The following STARD3 variants were observed in gnomAD, a reference collection of about 807,000 sequenced individuals.
The protein encoded by STARD3 is StAR related lipid transfer domain containing 3.
A neutral mutation model predicts 62.0 loss-of-function variants in STARD3; 39 were observed. The observed-to-expected ratio is 0.63, with a 90% confidence interval of 0.49 to 0.82. The LOEUF is 0.82. STARD3 is among the 40% of genes least tolerant of loss of function. The probability of loss-of-function intolerance (pLI) is 0.00; values close to 1 mark genes in which losing one functional copy is unlikely to be tolerated. For synonymous variants in STARD3, 229 were observed against 242.4 expected, an observed-to-expected ratio of 0.94 and a Z score of 0.51; for missense variants, 543 against 584.5, an observed-to-expected ratio of 0.93 and a Z score of 0.73.
Position 39,653,597 on chromosome 17 carries a change from G to T in STARD3, c.66G>T (p.Leu22=). Residue 22 remains leucine, a synonymous_variant, in exon 2 of 15, where the codon CTG becomes CTT. Transcript: ENST00000336308. ...LERSLPAVAS[L]GSSLSHSQSL... is the part of the protein sequence containing the mutation. Reference sequence around the variant, plus strand: ...GCAGCCTGCCTGCCGTGGCCTCCCTGGGCTCCTCACTGTCCCACAGCCAGA... The same window carrying T: ...GCAGCCTGCCTGCCGTGGCCTCCCTTGGCTCCTCACTGTCCCACAGCCAGA... The T allele has an allele frequency of 6.2e-7, 1 of 1,612,126 alleles. No homozygotes were observed.
rs2941513 is a variant in STARD3 at position 39,662,308 on chromosome 17, T to C, written c.1197T>C (p.Val399=). The C allele has an allele frequency of 0.054, 87,520 of 1,613,842 alleles. 2,861 individuals carry two copies. Among genetic ancestry groups the C allele is most frequent in the African/African-American group, 0.069 (5,179 of 74,970 alleles). The change falls in exon 14 of 15, where the codon GTT becomes GTC. Residue 399 remains valine, a synonymous_variant. Transcript: ENST00000336308. ...IVLKSASNPR[V]CTFVWILNTD... is the part of the protein sequence containing the mutation. ...TCAAGTCGGCCAGTAACCCCCGTGT[T>C]TGCACCTTTGTCTGGATTCTTAATA... is the stretch of plus-strand genomic sequence containing the variant.
intron 14 of STARD3, 195 bp downstream of exon 14, chr17:39,662,539 C>A (rs534509871): frequency 6.2e-6 from 4 of 644,728 alleles, no homozygotes; most frequent in Non-Finnish European, 1.1e-5. Flanking sequence ...CATGTGCCCC[C>A]CCTTCTTACC....
chr17:39,657,807 C>T lies in STARD3; in HGVS notation c.330C>T (p.Leu110=), dbSNP rs1263365341. ...VLAFFRFSGL[L]LGYAVLRLRH... ...CCTTCTTCCGCTTCTCTGGACTGCT[C>T]CTAGGCTATGCCGTGCTGCGGCTCC... Residue 110 remains leucine, a synonymous_variant, in exon 4 of 15, where the codon CTC becomes CTT. Transcript: ENST00000336308. 6.2e-7 allele frequency: 1 copy of T among 1,614,182 alleles called. No homozygotes were observed. Among genetic ancestry groups the T allele is most frequent in the East Asian group, 2.2e-5 (1 of 44,870 alleles).
rs772858527 is a variant in STARD3, at chr17:39,657,072, T to C, written c.284T>C (p.Phe95Ser). Residue 95 changes from phenylalanine (F) to serine (S), a missense_variant, in exon 3 of 15, where the codon TTC becomes TCC. Physicochemically the swap from Phe to Ser is radical, Grantham distance 155 (BLOSUM62 -2). Coordinates refer to ENST00000336308, the MANE Select transcript of STARD3 (RefSeq NM_006804.4). ...ATCCAGTACAACTTTAAAACTTCCTTCTTCGACATCTTTGTGAGTGGCCTT... is the reference window on the plus strand; with the variant it reads ...ATCCAGTACAACTTTAAAACTTCCTCCTTCGACATCTTTGTGAGTGGCCTT... ...EIIQYNFKTS[F>S]FDIFVLAFFR... 2 of 1,614,088 alleles carry C rather than the reference T, an allele frequency of 1.2e-6. No individual in the cohort carries two copies. Among genetic ancestry groups the C allele is most frequent in the Admixed American group, 1.7e-5 (1 of 60,024 alleles).
rs80224232 is a variant in STARD3, at chr17:39,661,325, C to T, written c.1139+240C>T. 477 of 547,916 alleles carry T rather than the reference C, an allele frequency of 8.7e-4. 5 individuals carry two copies. The East Asian group carries it at 0.012, about 14-fold the overall frequency. 33.9% of individuals were successfully genotyped at this position (547,916 alleles called of 1,614,324 possible). ...CACCAAGGCTGGACGGGATGTGCGG[C>T]GGTGGCTGGCTGGGGTAGACCATGG... On this transcript the variant is annotated intron_variant, in intron 13 of 14. Transcript: ENST00000336308.
At chr17:39,659,193 G>A in intron 8 of STARD3, 87 bp downstream of exon 8, 2 of 1,546,560 alleles carry the variant, frequency 1.3e-6, no homozygotes, top group Admixed American at 1.7e-5. Context: ...GTGGGCAGGG[G>A]TTTCCCAGTA....
chr17:39,657,488 C>T (rs1414650780), intron 3 of STARD3, among the ~76,000 whole-genome samples: 9 of 151,764 alleles, frequency 5.9e-5, no homozygotes. Context: ...GACCGTGCCA[C>T]CGCACTCCAG....
intron 2 of STARD3, among the ~76,000 whole-genome samples, chr17:39,654,923 C>A (rs1442193987): frequency 6.6e-6 from 1 of 152,216 alleles, no homozygotes; most frequent in Non-Finnish European, 1.5e-5. Flanking sequence ...CTGAGGGTGA[C>A]TGTCGATTGT....
chr17:39,639,458 A>G (rs572422945), intron 1 of STARD3, among the ~76,000 whole-genome samples: 1 of 152,354 alleles, frequency 6.6e-6, no homozygotes, highest in East Asian at 1.9e-4. Flanking sequence ...AGGAGCTGAC[A>G]GTTAATGGGG....
chr17:39,646,562 C>T (rs1224057157), intron 1 of STARD3, among the ~76,000 whole-genome samples: 2 of 152,128 alleles, frequency 1.3e-5, no homozygotes, highest in Non-Finnish European at 2.9e-5. Flanking sequence ...CTATTGTTGC[C>T]TGTTTTAATG....
Position 39,660,807 on chromosome 17 carries a change from C to G in STARD3, c.955-3C>G, listed in dbSNP as rs1377917826. ...TCCAAAAGTCTCCGTTGACGGCCCTCAGATCCTGCAGCGAGTGGAAGACAA... is the reference window on the plus strand; with the variant it reads ...TCCAAAAGTCTCCGTTGACGGCCCTGAGATCCTGCAGCGAGTGGAAGACAA... On this transcript the variant is annotated splice_region_variant and splice_polypyrimidine_tract_variant and intron_variant, in intron 11 of 14. Transcript: ENST00000336308. This position sits in a 1 kb window ranked among gnomAD's most constrained non-coding sequence, Gnocchi z 4.8. 1 of 1,576,752 alleles carries G rather than the reference C, an allele frequency of 6.3e-7. No individual in the cohort carries two copies. Among genetic ancestry groups the G allele is most frequent in the South Asian group, 1.2e-5 (1 of 84,596 alleles).
intron 1 of STARD3, among the ~76,000 whole-genome samples, chr17:39,647,364 G>A (rs1380457229): frequency 6.6e-6 from 1 of 152,150 alleles, no homozygotes; most frequent in Non-Finnish European, 1.5e-5. Context: ...ACTTCTGAAG[G>A]TGCTTGGGAG....
Position 39,660,291 on chromosome 17 carries a change from G to A in STARD3, c.858+18G>A, listed in dbSNP as rs1327996940. On this transcript the variant is annotated intron_variant, in intron 10 of 14. Transcript: ENST00000336308. This position sits in a 1 kb window ranked among gnomAD's most constrained non-coding sequence, Gnocchi z 4.8. ...TCCTGAAGGTGAGTGAGGGGAGCGG[G>A]TGTCCTGGAGCCCCAGACAGCACAG... The A allele has an allele frequency of 6.2e-7, 1 of 1,613,982 alleles. No individual in the cohort carries two copies. Among genetic ancestry groups the A allele is most frequent in the Non-Finnish European group, 8.5e-7 (1 of 1,180,022 alleles).
Position 39,660,782 on chromosome 17 carries a change from TC to T in STARD3, c.955-26del, listed in dbSNP as rs1296294122. On this transcript the variant is annotated intron_variant, in intron 11 of 14. Coordinates refer to ENST00000336308, the MANE Select transcript of STARD3 (RefSeq NM_006804.4). The surrounding 1 kb of genome is among the most constrained non-coding windows in gnomAD (Gnocchi z 4.8). ...CTGGGGTTTTCCTGGGGCGACCTGT[TC>T]CAAAAGTCTCCGTTGACGGCCCTCA... The T allele has an allele frequency of 6.4e-7, 1 of 1,556,072 alleles. No individual in the cohort carries two copies. Among genetic ancestry groups the T allele is most frequent in the Admixed American group, 1.9e-5 (1 of 52,706 alleles).
rs771157937 is a variant in STARD3 at position 39,662,945 on chromosome 17, C to T, written c.*37C>T. 11 of 1,575,658 alleles carry T rather than the reference C, an allele frequency of 7.0e-6. No individual in the cohort carries two copies. Among genetic ancestry groups the T allele is most frequent in the African/African-American group, 2.7e-5 (2 of 73,756 alleles). On this transcript the variant is annotated 3_prime_UTR_variant, in exon 15 of 15. Transcript: ENST00000336308. ...CCCACCCTGCGGGCCAGGGTCCTGT[C>T]GCCACCACTTCCAGAGCCAGAAAGG...
At chr17:39,647,652 C>CA (rs1280710337) in intron 1 of STARD3, among the ~76,000 whole-genome samples, 1 of 152,174 alleles carries the variant, frequency 6.6e-6, no homozygotes, top group Non-Finnish European at 1.5e-5. Context: ...AAAGGCCTTT[C>CA]AAAGTCATCT....
chr17:39,645,480 G>T (rs1477153689), intron 1 of STARD3, among the ~76,000 whole-genome samples: 1 of 151,938 alleles, frequency 6.6e-6, no homozygotes, highest in Non-Finnish European at 1.5e-5. Flanking sequence ...GTTTTGTTTT[G>T]TTTTTTTGAG....
At chr17:39,646,322 A>G (rs1314773950) in intron 1 of STARD3, among the ~76,000 whole-genome samples, 3 of 152,138 alleles carry the variant, frequency 2.0e-5, no homozygotes, top group Non-Finnish European at 4.4e-5. Context: ...GCACAGTCTC[A>G]GCCCACTGCA....
intron 1 of STARD3, among the ~76,000 whole-genome samples, chr17:39,651,270 C>G (rs1211486332): frequency 6.6e-6 from 1 of 152,212 alleles, no homozygotes; most frequent in African/African-American, 2.4e-5. Flanking sequence ...CTGGCTTGCT[C>G]AGAACCTCCT....
Sources: allele counts gnomAD v4.1 joint callset (sites outside exome capture counted in the v4.1 genomes callset), GRCh38; gene constraint gnomAD v4.1.1; non-coding constraint Gnocchi (gnomAD v3.1); transcripts MANE v1.5; gene names NCBI Gene and HGNC (gene_info 2026-07-23, HGNC 2026-07-21).